The following STAG1 variants were observed in gnomAD, a reference collection of about 807,000 sequenced individuals.
The protein encoded by STAG1 is cohesin subunit SA-1.
STAG1 carries 26 observed loss-of-function variants against 170.9 expected under a neutral mutation model. That is an observed-to-expected ratio of 0.15 (90% CI 0.11 to 0.21). The LOEUF is 0.21. STAG1 is among the 10% of genes least tolerant of loss of function. The pLI is 1.00. For synonymous variants in STAG1, 514 were observed against 497.7 expected (o/e 1.03, Z -0.44); for missense variants, 964 against 1,509.5 (o/e 0.64, Z 5.99).
intron 1 of STAG1, among the ~76,000 whole-genome samples, chr3:136,741,850 G>A (rs1435034472): frequency 6.6e-6 from 1 of 152,088 alleles, no homozygotes; most frequent in Non-Finnish European, 1.5e-5. Context: ...GGGTAAATAG[G>A]TAGAAAAAGA....
chr3:136,344,113 CTT>C (rs752013852), intron 29 of STAG1, 107 bp from the exon 30 acceptor site: 136 of 749,238 alleles, frequency 1.8e-4, no homozygotes, highest in Non-Finnish European at 2.5e-4. Flanking sequence ...AGACTGCCCA[CTT>C]TAAATCTCAG....
At chr3:136,467,342 A>C (rs9810789) in intron 12 of STAG1, among the ~76,000 whole-genome samples, 2 of 152,024 alleles carry the variant, frequency 1.3e-5, no homozygotes, top group African/African-American at 4.8e-5. Flanking sequence ...AAACAAAAAA[A>C]GGCAGGGGTT....
intron 21 of STAG1, among the ~76,000 whole-genome samples, chr3:136,400,824 G>A (rs762364310): frequency 1.6e-4 from 25 of 152,134 alleles, no homozygotes; most frequent in South Asian, 4.1e-4. Context: ...GTGAGCCACC[G>A]TGCCTGGCCT....
chr3:136,558,375 G>A (rs1014801652), intron 5 of STAG1, among the ~76,000 whole-genome samples: 2 of 152,130 alleles, frequency 1.3e-5, no homozygotes, highest in Non-Finnish European at 2.9e-5. Context: ...CTGGGAAACA[G>A]AGTAAAACTT....
chr3:136,403,254 G>A (rs201314233), intron 21 of STAG1, among the ~76,000 whole-genome samples: 4,667 of 65,982 alleles, frequency 0.071, no homozygotes, highest in Middle Eastern at 0.25. Flanking sequence ...AAAAAAAAAA[G>A]AAAAGAAAAG....
intron 1 of STAG1, among the ~76,000 whole-genome samples, chr3:136,687,272 T>C (rs1942559718): frequency 6.6e-6 from 1 of 152,210 alleles, no homozygotes; most frequent in African/African-American, 2.4e-5. Flanking sequence ...TCATAGTTAC[T>C]TGTAGGGAGG....
chr3:136,552,951 A>C (rs1240895106), intron 5 of STAG1, among the ~76,000 whole-genome samples: 1 of 152,188 alleles, frequency 6.6e-6, no homozygotes, highest in Non-Finnish European at 1.5e-5. Flanking sequence ...ACTTGGAACA[A>C]AAAGCAACAA....
chr3:136,593,617 C>T (rs1037152465), intron 4 of STAG1, among the ~76,000 whole-genome samples: 2 of 152,140 alleles, frequency 1.3e-5, no homozygotes, highest in Non-Finnish European at 2.9e-5. Context: ...GAAAAGACCA[C>T]GTATCTATGA....
chr3:136,612,139 G>C (rs562336128), intron 3 of STAG1, among the ~76,000 whole-genome samples: 2 of 152,134 alleles, frequency 1.3e-5, no homozygotes, highest in Non-Finnish European at 2.9e-5. Flanking sequence ...GAGCCACTGC[G>C]CCTGGCCTAT....
At chr3:136,509,030 A>G in intron 7 of STAG1, among the ~76,000 whole-genome samples, 1 of 152,278 alleles carries the variant, frequency 6.6e-6, no homozygotes, top group East Asian at 1.9e-4. Context: ...ATCTAATAAA[A>G]GAAAGAAATT....
intron 5 of STAG1, among the ~76,000 whole-genome samples, chr3:136,544,198 C>A (rs1400508722): frequency 6.6e-6 from 1 of 152,068 alleles, no homozygotes; most frequent in Non-Finnish European, 1.5e-5. Context: ...GGTAAATTGT[C>A]AGAAAAGTCA....
chr3:136,745,097 A>T (rs937919406), intron 1 of STAG1, among the ~76,000 whole-genome samples: 1 of 152,238 alleles, frequency 6.6e-6, no homozygotes, highest in Admixed American at 6.5e-5. Flanking sequence ...ACTAGGCTAC[A>T]ATGTAAAATG....
intron 5 of STAG1, among the ~76,000 whole-genome samples, chr3:136,547,592 G>GT (rs1415815590): frequency 6.6e-6 from 1 of 152,110 alleles, no homozygotes; most frequent in Non-Finnish European, 1.5e-5. Flanking sequence ...ATTGATTTCT[G>GT]TGTCTTTCTG....
chr3:136,707,629 G>A (rs1943263627), intron 1 of STAG1, among the ~76,000 whole-genome samples: 2 of 152,324 alleles, frequency 1.3e-5, no homozygotes, highest in Admixed American at 1.3e-4. Flanking sequence ...CATGGCCCTA[G>A]CTTCTGGCGA....
chr3:136,653,141 GTA>G (rs1178721003), intron 1 of STAG1, among the ~76,000 whole-genome samples: 1 of 151,982 alleles, frequency 6.6e-6, no homozygotes, highest in African/African-American at 2.4e-5. Context: ...GCGTGGTGGT[GTA>G]TGTCTGTAAT....
chr3:136,474,407 T>TAATC (rs2089695526), intron 10 of STAG1, among the ~76,000 whole-genome samples: 1 of 152,232 alleles, frequency 6.6e-6, no homozygotes, highest in Admixed American at 6.5e-5. Context: ...AGTATATTAT[T>TAATC]AATCACCCTG....
At chr3:136,566,867 T>C (rs1312569521) in intron 5 of STAG1, among the ~76,000 whole-genome samples, 3 of 152,320 alleles carry the variant, frequency 2.0e-5, no homozygotes, top group East Asian at 1.9e-4. Context: ...TCTAGTTAAA[T>C]AAATTATTGT....
chr3:136,465,368 C>G (rs1030836160), intron 12 of STAG1, among the ~76,000 whole-genome samples: 17 of 151,190 alleles, frequency 1.1e-4, no homozygotes, highest in African/African-American at 3.9e-4. Flanking sequence ...TACAGGTGCC[C>G]AACACCACGC....
chr3:136,717,847 T>G (rs1943584351), intron 1 of STAG1, among the ~76,000 whole-genome samples: 1 of 152,212 alleles, frequency 6.6e-6, no homozygotes, highest in African/African-American at 2.4e-5. Flanking sequence ...AAATAATTCC[T>G]CTAAAGCAGT....
Sources: gnomAD v4.1 joint callset for allele counts (sites outside exome capture counted in the v4.1 genomes callset) on GRCh38, gnomAD v4.1.1 for gene constraint, MANE v1.5 for transcripts, NCBI Gene and HGNC (gene_info 2026-07-23, HGNC 2026-07-21) for gene names.